SNTG2: variants seen among roughly 807,000 people sequenced by gnomAD.
SNTG2 encodes the protein syntrophin gamma 2, also known as gamma-2-syntrophin.
A neutral mutation model predicts 70.9 loss-of-function variants in SNTG2; 74 were observed. The ratio of observed to expected loss-of-function variants is 1.04; its 90% CI spans 0.86 to 1.27. The LOEUF (loss-of-function observed/expected upper bound fraction) is 1.27. SNTG2 is among the 50% of genes most tolerant of loss of function. The pLI is 0.00. For synonymous variants in SNTG2, 278 were observed against 273.8 expected (o/e 1.02, Z -0.15); for missense variants, 717 against 690.7 (o/e 1.04, Z -0.43).
intron 16 of SNTG2, among the ~76,000 whole-genome samples, chr2:1,320,667 A>G (rs1681481386): frequency 6.6e-6 from 1 of 152,074 alleles, no homozygotes. Flanking sequence ...TAAATAAAAT[A>G]TTTTTCTTCC....
intron 1 of SNTG2, among the ~76,000 whole-genome samples, chr2:966,820 G>A (rs896343173): frequency 2.0e-5 from 3 of 151,956 alleles, no homozygotes; most frequent in Admixed American, 6.6e-5. Flanking sequence ...GGTGGCGGGC[G>A]CCTGTAATCT....
intron 8 of SNTG2, among the ~76,000 whole-genome samples, chr2:1,178,900 C>A (rs1366597296): frequency 6.6e-6 from 1 of 152,144 alleles, no homozygotes; most frequent in Non-Finnish European, 1.5e-5. Context: ...CCTTGTACCT[C>A]TGGTAGAATT....
chr2:1,172,274 A>G (rs1671176955), intron 7 of SNTG2, among the ~76,000 whole-genome samples: 1 of 152,086 alleles, frequency 6.6e-6, no homozygotes, highest in South Asian at 2.1e-4. Context: ...CTCCTTTCTC[A>G]GTGTTGGGAG....
chr2:1,019,362 G>C (rs962725021), intron 1 of SNTG2, among the ~76,000 whole-genome samples: 4 of 152,122 alleles, frequency 2.6e-5, no homozygotes, highest in African/African-American at 7.2e-5. Context: ...CCTGATTCAC[G>C]TGGCAATGTC....
At chr2:1,291,823 C>T (rs909205759) in intron 14 of SNTG2, among the ~76,000 whole-genome samples, 4 of 152,140 alleles carry the variant, frequency 2.6e-5, no homozygotes, top group Admixed American at 2.0e-4. Context: ...ATTCAAGGTC[C>T]TTGACATTCC....
At chr2:1,138,737 G>T (rs1052947275) in intron 6 of SNTG2, among the ~76,000 whole-genome samples, 3 of 152,174 alleles carry the variant, frequency 2.0e-5, no homozygotes, top group African/African-American at 7.2e-5. Flanking sequence ...AAGGCAAGCA[G>T]GCTGGTAATT....
chr2:951,226 C>T (rs1016954845), intron 1 of SNTG2, among the ~76,000 whole-genome samples, 158 bp downstream of exon 1: 8 of 152,012 alleles, frequency 5.3e-5, no homozygotes, highest in Admixed American at 3.9e-4. Flanking sequence ...GCCGGAGCCC[C>T]GGGACGCAGT....
intron 1 of SNTG2, among the ~76,000 whole-genome samples, chr2:964,565 G>T (rs980333099): frequency 3.9e-5 from 6 of 152,226 alleles, no homozygotes; most frequent in African/African-American, 1.4e-4. Context: ...AGGAGGAAGG[G>T]CTGGACAAGG....
intron 1 of SNTG2, among the ~76,000 whole-genome samples, chr2:1,030,410 CACAG>C (rs1347913488): frequency 6.6e-6 from 1 of 152,200 alleles, no homozygotes; most frequent in Non-Finnish European, 1.5e-5. Flanking sequence ...GCAAGGGACA[CACAG>C]AGACACTTGG....
chr2:1,219,127 G>A (rs1009183320), intron 9 of SNTG2, among the ~76,000 whole-genome samples: 5 of 152,116 alleles, frequency 3.3e-5, no homozygotes, highest in Admixed American at 6.5e-5. Flanking sequence ...TAGTGAGTGA[G>A]TTCTCATGAG....
intron 9 of SNTG2, among the ~76,000 whole-genome samples, chr2:1,223,287 T>G (rs909249709): frequency 6.8e-5 from 10 of 148,094 alleles, no homozygotes; most frequent in African/African-American, 2.5e-4. Flanking sequence ...CGTCTCCCTG[T>G]CCTGCCTGCT....
At chr2:1,042,188 T>C (rs144690533) in intron 1 of SNTG2, among the ~76,000 whole-genome samples, 1 of 152,334 alleles carries the variant, frequency 6.6e-6, no homozygotes, top group East Asian at 1.9e-4. Context: ...TAGCTCCTCT[T>C]GGGACTTTAC....
chr2:1,294,819 C>T (rs1680133647), intron 14 of SNTG2, among the ~76,000 whole-genome samples: 1 of 152,210 alleles, frequency 6.6e-6, no homozygotes, highest in African/African-American at 2.4e-5. Flanking sequence ...AAGTGAGTGT[C>T]ATCGTTTGCT....
chr2:1,229,869 G>T (rs768664144), intron 9 of SNTG2, among the ~76,000 whole-genome samples: 1 of 152,212 alleles, frequency 6.6e-6, no homozygotes, highest in African/African-American at 2.4e-5. Flanking sequence ...GCCCGAGGCC[G>T]GCAGGGCCGG....
intron 16 of SNTG2, among the ~76,000 whole-genome samples, chr2:1,346,994 C>T (rs900513692): frequency 1.3e-5 from 2 of 151,760 alleles, no homozygotes; most frequent in Non-Finnish European, 2.9e-5. Flanking sequence ...TCAACCACAT[C>T]ATACAGATTA....
chr2:1,077,701 A>G (rs1049596475), intron 1 of SNTG2, among the ~76,000 whole-genome samples: 8 of 152,218 alleles, frequency 5.3e-5, no homozygotes, highest in African/African-American at 1.4e-4. Flanking sequence ...AAACACACAC[A>G]CACTGATATT....
At chr2:1,103,081 G>A (rs1281221360) in intron 4 of SNTG2, among the ~76,000 whole-genome samples, 1 of 152,146 alleles carries the variant, frequency 6.6e-6, no homozygotes, top group Non-Finnish European at 1.5e-5. Flanking sequence ...CTCCTCACAG[G>A]GGACTCAGGA....
chr2:1,155,433 C>T (rs1209995588), intron 6 of SNTG2, among the ~76,000 whole-genome samples: 1 of 152,126 alleles, frequency 6.6e-6, no homozygotes, highest in Non-Finnish European at 1.5e-5. Flanking sequence ...CGTGTACACA[C>T]ACCACATATG....
chr2:1,050,749 T>C (rs961119889), intron 1 of SNTG2, among the ~76,000 whole-genome samples: 4 of 152,324 alleles, frequency 2.6e-5, no homozygotes, highest in Admixed American at 2.0e-4. Context: ...TTTGAATATG[T>C]AGATTACTTA....
Sources: allele counts gnomAD v4.1 joint callset (sites outside exome capture counted in the v4.1 genomes callset), GRCh38; gene constraint gnomAD v4.1.1; transcripts MANE v1.5; gene names NCBI Gene and HGNC (gene_info 2026-07-23, HGNC 2026-07-21).